Variants in SPATS2 observed in about 807,000 individuals in gnomAD.
The protein encoded by SPATS2 is spermatogenesis-associated serine-rich protein 2.
In SPATS2, 38 loss-of-function variants were observed where a neutral mutation model predicts 63.7. The ratio of observed to expected loss-of-function variants is 0.60; its 90% CI spans 0.46 to 0.78. The LOEUF (loss-of-function observed/expected upper bound fraction) is 0.78. Among genes scored for constraint, SPATS2 ranks in the 30% least tolerant of loss-of-function variants. The pLI is 0.00. For missense variants in SPATS2, 588 were observed against 666.2 expected (o/e 0.88, Z 1.29); for synonymous variants, 207 against 232.9 (o/e 0.89, Z 1.01).
intron 3 of SPATS2, among the ~76,000 whole-genome samples, chr12:49,470,363 T>A (rs778075157): frequency 2.0e-5 from 3 of 152,168 alleles, no homozygotes; most frequent in Admixed American, 6.6e-5. Context: ...AATTTTTTTC[T>A]ATGTGAAATA....
intron 2 of SPATS2, among the ~76,000 whole-genome samples, chr12:49,392,070 C>T (rs1944427495): frequency 6.6e-6 from 1 of 152,188 alleles, no homozygotes. Flanking sequence ...AAATAAGCTA[C>T]ACAATTGAGA....
chr12:49,524,085 A>C (rs1382887531), intron 12 of SPATS2, among the ~76,000 whole-genome samples: 1 of 152,222 alleles, frequency 6.6e-6, no homozygotes, highest in African/African-American at 2.4e-5. Flanking sequence ...AACTGAAAAT[A>C]TTAATATTTT....
intron 10 of SPATS2, among the ~76,000 whole-genome samples, chr12:49,515,633 A>C (rs1402910469): frequency 6.6e-6 from 1 of 152,256 alleles, no homozygotes; most frequent in African/African-American, 2.4e-5. Context: ...TTGACATTTC[A>C]GTCCATTATT....
chr12:49,412,191 T>A (rs1306459625), intron 2 of SPATS2, among the ~76,000 whole-genome samples: 2 of 152,124 alleles, frequency 1.3e-5, no homozygotes, highest in Non-Finnish European at 2.9e-5. Context: ...AATTACCTAA[T>A]AATTTATTTT....
At chr12:49,486,179 G>GT in intron 4 of SPATS2, 1 of 448,992 alleles carries the variant, frequency 2.2e-6, no homozygotes. Context: ...TGTAAGTTTG[G>GT]TGCCTTTTGT....
At chr12:49,450,844 AT>A (rs1273901443) in intron 2 of SPATS2, among the ~76,000 whole-genome samples, 1 of 149,518 alleles carries the variant, frequency 6.7e-6, no homozygotes, top group African/African-American at 2.5e-5. Context: ...GTGTCAGCCT[AT>A]TTTTTGTTTT....
At chr12:49,436,269 G>C (rs1452897296) in intron 2 of SPATS2, among the ~76,000 whole-genome samples, 1 of 147,322 alleles carries the variant, frequency 6.8e-6, no homozygotes, top group African/African-American at 2.6e-5. Context: ...GCCGGGCGGG[G>C]GGCTGACCTC....
At chr12:49,499,476 T>A (rs75453828) in intron 8 of SPATS2, among the ~76,000 whole-genome samples, 13,877 of 152,020 alleles carry the variant, frequency 0.091, 752 homozygotes, top group African/African-American at 0.14. Flanking sequence ...TTGTTTTTTT[T>A]TTGCCTGTTG....
intron 11 of SPATS2, among the ~76,000 whole-genome samples, chr12:49,520,129 G>A (rs1400296616): frequency 1.3e-5 from 2 of 152,144 alleles, no homozygotes; most frequent in Non-Finnish European, 2.9e-5. Flanking sequence ...ATAGGCATGC[G>A]CCACCATGCC....
At chr12:49,492,219 CTTTTTTT>C (rs534727922) in intron 6 of SPATS2, among the ~76,000 whole-genome samples, 1 of 144,256 alleles carries the variant, frequency 6.9e-6, no homozygotes, top group Non-Finnish European at 1.5e-5. Context: ...TTTCTTTTTT[CTTTTTTT>C]TTTTTCTTTT....
intron 2 of SPATS2, among the ~76,000 whole-genome samples, chr12:49,376,225 C>T (rs1464023558): frequency 2.0e-5 from 3 of 151,510 alleles, no homozygotes; most frequent in Non-Finnish European, 2.9e-5. Flanking sequence ...CCTCAGCCTC[C>T]CGAGTAGCTG....
intron 2 of SPATS2, among the ~76,000 whole-genome samples, chr12:49,418,633 G>T (rs570533771): frequency 1.6e-4 from 25 of 151,836 alleles, no homozygotes; most frequent in Admixed American, 1.3e-4. Context: ...GTAGAGACAG[G>T]TCTCACTATG....
intron 2 of SPATS2, among the ~76,000 whole-genome samples, chr12:49,394,860 T>G (rs1168138383): frequency 6.6e-6 from 1 of 152,004 alleles, no homozygotes; most frequent in Non-Finnish European, 1.5e-5. Flanking sequence ...TCACCTGAGG[T>G]CAGGAGTTCG....
At chr12:49,443,924 C>G (rs1945467019) in intron 2 of SPATS2, among the ~76,000 whole-genome samples, 1 of 152,154 alleles carries the variant, frequency 6.6e-6, no homozygotes, top group Non-Finnish European at 1.5e-5. Context: ...TAGTGGAAGT[C>G]CTCCAAAATT....
rs1180957313 is a variant in SPATS2 at position 49,436,557 on chromosome 12, GC to G, written c.-243-24212del. On this transcript the variant is annotated intron_variant, in intron 2 of 13. Transcript: ENST00000552918. ...CCCCCGCCTCCTGGCCGGGCGGGGG[GC>G]TGACCTCCCCACCTCCCTCCCGGAC... Among the ~76,000 whole-genome samples, 4 of 129,166 alleles carry G rather than the reference GC, an allele frequency of 3.1e-5. No homozygotes were observed. The South Asian group carries it at 7.2e-4, about 23-fold the overall frequency. The allele number at this position is 129,166 out of a possible 152,430, so 84.7% of individuals were successfully genotyped here. A position where few individuals can be genotyped will look rare whatever the true frequency, so the allele number is the denominator to read the frequency against.
At chr12:49,447,060 C>T (rs1188712564) in intron 2 of SPATS2, among the ~76,000 whole-genome samples, 1 of 151,494 alleles carries the variant, frequency 6.6e-6, no homozygotes, top group African/African-American at 2.4e-5. Flanking sequence ...TCCCAAGTAG[C>T]TAGGATTACA....
intron 2 of SPATS2, among the ~76,000 whole-genome samples, chr12:49,408,587 GCTCTGCCGCC>G: frequency 1.1e-5 from 1 of 91,468 alleles, no homozygotes; most frequent in African/African-American, 4.7e-5. Flanking sequence ...ACAGAGTCTT[GCTCTGCCGCC>G]CAGGCTGGAG....
intron 7 of SPATS2, among the ~76,000 whole-genome samples, chr12:49,495,747 T>A (rs1565750326): frequency 6.6e-6 from 1 of 152,140 alleles, no homozygotes; most frequent in Non-Finnish European, 1.5e-5. Context: ...CTACAGAAGG[T>A]GACTTTAAGT....
chr12:49,388,911 C>T lies in SPATS2; in HGVS notation c.-244+17621C>T, dbSNP rs374056917. On this transcript the variant is annotated intron_variant, in intron 2 of 13. Coordinates refer to ENST00000552918, the MANE Select transcript of SPATS2 (RefSeq NM_023071.4). ...ATCTCACTATGTTGGCCAGGCTGGT[C>T]TTGAACTCCTGGTCTCAAGCAGTCC... Among the ~76,000 whole-genome samples the T allele has an allele frequency of 1.5e-4, 23 of 152,100 alleles. No individual in the cohort carries two copies. In the East Asian group the frequency reaches 3.1e-3, roughly 20 times the overall value.
Sources: gnomAD v4.1 joint callset for allele counts (sites outside exome capture counted in the v4.1 genomes callset) on GRCh38, gnomAD v4.1.1 for gene constraint, MANE v1.5 for transcripts, NCBI Gene and HGNC (gene_info 2026-07-23, HGNC 2026-07-21) for gene names.